MRPS18C: variants seen among roughly 807,000 people sequenced by gnomAD.
The protein encoded by MRPS18C is small ribosomal subunit protein bS18m.
MRPS18C carries 21 observed loss-of-function variants against 21.0 expected under a neutral mutation model. The ratio of observed to expected loss-of-function variants is 1.00; its 90% CI spans 0.71 to 1.44. MRPS18C has a LOEUF of 1.44. Ranked by LOEUF, MRPS18C falls within the 40% of genes most tolerant of loss-of-function variation. The probability of loss-of-function intolerance (pLI) is 0.00; values close to 1 mark genes in which losing one functional copy is unlikely to be tolerated. For synonymous variants in MRPS18C, 65 were observed against 54.3 expected (o/e 1.20, Z -0.87); for missense variants, 152 against 171.5 (o/e 0.89, Z 0.64).
In MRPS18C at chr4:83,461,817, T is replaced by C. The variant is rs1332207161; in HGVS notation, c.*620T>C. 1 of 228,592 alleles carries C rather than the reference T, an allele frequency of 4.4e-6. No homozygotes were observed. Among genetic ancestry groups the C allele is most frequent in the Non-Finnish European group, 8.7e-6 (1 of 115,390 alleles). 14.2% of individuals were successfully genotyped at this position (228,592 alleles called of 1,614,324 possible). On this transcript the variant is annotated 3_prime_UTR_variant, in exon 6 of 6. Transcript: ENST00000295491. ...CTCTAAACTAGGGGAGAGATTACTG[T>C]TTGTGTTGTGTTATAGTTGTGTAAT...
chr4:83,461,011 A>G lies in MRPS18C; in HGVS notation c.331A>G (p.Ile111Val). ...GKKQKEITKAIKRAQIMGFMP... is the reference protein window; with the variant it reads ...GKKQKEITKAVKRAQIMGFMP... Reference sequence around the variant, plus strand: ...GAAACAGAAAGAAATCACAAAAGCAATTAAGAGAGCTCAAATAATGGGTAA... The same window carrying G: ...GAAACAGAAAGAAATCACAAAAGCAGTTAAGAGAGCTCAAATAATGGGTAA... Residue 111 changes from isoleucine to valine, a missense_variant, in exon 5 of 6, where the codon ATT (isoleucine) becomes GTT (valine). This residue lies in a region of MRPS18C where 34 missense variants were observed against 67.1 expected (regional missense o/e 0.51). Coordinates refer to ENST00000295491, the MANE Select transcript of MRPS18C (RefSeq NM_016067.4). 6.2e-7 allele frequency: 1 copy of G among 1,611,990 alleles called. No homozygotes were observed.
chr4:83,456,492 C>CA (rs1320443930), intron 1 of MRPS18C, among the ~76,000 whole-genome samples: 1 of 152,126 alleles, frequency 6.6e-6, no homozygotes, highest in East Asian at 1.9e-4. Flanking sequence ...CTAAGGTCCC[C>CA]AAACAGAACA....
At chr4:83,458,256 T>C in intron 2 of MRPS18C, 90 bp from the exon 3 acceptor site, 2 of 906,770 alleles carry the variant, frequency 2.2e-6, no homozygotes, top group Non-Finnish European at 3.5e-6. Flanking sequence ...GTATAACTAA[T>C]CCTTTGAATG....
intron 2 of MRPS18C, chr4:83,457,719 T>C (rs1721913534): frequency 6.6e-6 from 1 of 152,376 alleles, no homozygotes; most frequent in Admixed American, 6.5e-5. Context: ...AAGTTTTGCA[T>C]ACGATTACAG....
chr4:83,456,833 C>T (rs367986314), intron 1 of MRPS18C, 76 bp from the exon 2 acceptor site: 2 of 1,443,956 alleles, frequency 1.4e-6, no homozygotes, highest in Admixed American at 1.9e-5. Flanking sequence ...TTCATCCTGT[C>T]TCCATAAAAA....
chr4:83,460,910 A>T, intron 4 of MRPS18C, 63 bp from the exon 5 acceptor site: 1 of 1,500,990 alleles, frequency 6.7e-7, no homozygotes, highest in Admixed American at 2.0e-5. Context: ...CATCTCAAAA[A>T]AAAAAATTGC....
chr4:83,460,897 C>T, intron 4 of MRPS18C, 76 bp from the exon 5 acceptor site: 1 of 1,272,028 alleles, frequency 7.9e-7, no homozygotes, highest in South Asian at 1.3e-5. Context: ...CACAGGGAGA[C>T]TCCATCTCAA....
chr4:83,458,152 T>G, intron 2 of MRPS18C, 194 bp from the exon 3 acceptor site: 1 of 476,334 alleles, frequency 2.1e-6, no homozygotes, highest in Non-Finnish European at 3.7e-6. Context: ...CTATGAAGAT[T>G]GTACTTTATT....
At position 83,456,081 on chromosome 4, in the gene MRPS18C, G is replaced by A; in HGVS notation, c.4G>A (p.Ala2Thr). 3.1e-6 allele frequency: 5 copies of A among 1,612,442 alleles called. No individual in the cohort carries two copies. Among genetic ancestry groups the A allele is most frequent in the Non-Finnish European group, 2.5e-6 (3 of 1,180,002 alleles). Residue 2 changes from alanine to threonine, a missense_variant, in exon 1 of 6, where the codon GCC becomes ACC. Physicochemically the swap from Ala to Thr is moderately conservative, Grantham distance 58. Coordinates refer to ENST00000295491, the MANE Select transcript of MRPS18C (RefSeq NM_016067.4). M[A>T]AVVAVCGGLG... ...GAAGTGGAAGAAACGCGGAACCATG[G>A]CCGCTGTGGTTGCTGTTTGCGGTGG...
rs1224870910 is a variant in MRPS18C, at chr4:83,458,342, C to G, written c.151-4C>G. ...ATTATCAGACTTTTCGTTTTTTTCCCTAGCCCATTTCAATGGAAAATCCTT... is the reference window on the plus strand; with the variant it reads ...ATTATCAGACTTTTCGTTTTTTTCCGTAGCCCATTTCAATGGAAAATCCTT... On this transcript the variant is annotated splice_polypyrimidine_tract_variant and splice_region_variant and intron_variant, in intron 2 of 5. Transcript: ENST00000295491. The G allele has an allele frequency of 6.3e-7, 1 of 1,584,998 alleles. No individual in the cohort carries two copies. Among genetic ancestry groups the G allele is most frequent in the South Asian group, 1.1e-5 (1 of 88,760 alleles).
At chr4:83,459,664 T>G in intron 3 of MRPS18C, 76 bp from the exon 4 acceptor site, 1 of 1,311,008 alleles carries the variant, frequency 7.6e-7, no homozygotes. Flanking sequence ...ACCTGAAGGT[T>G]GTTTTTTGAA....
Position 83,458,529 on chromosome 4 carries a change from A to G in MRPS18C, c.234+100A>G, listed in dbSNP as rs1308888732. 4 of 842,780 alleles carry G rather than the reference A, an allele frequency of 4.7e-6. No individual in the cohort carries two copies. In the African/African-American group the frequency reaches 5.3e-5, roughly 11 times the overall value. 52.2% of individuals were successfully genotyped at this position (842,780 alleles called of 1,614,324 possible). On this transcript the variant is annotated intron_variant, in intron 3 of 5. Coordinates refer to ENST00000295491, the MANE Select transcript of MRPS18C (RefSeq NM_016067.4). ...TTTATAGCAGGCTTTTGTAGAGGTA[A>G]CTGTTTTAGCAACTTCATAATTTCA... is the stretch of plus-strand genomic sequence containing the variant.
At chr4:83,459,166 AAAG>A (rs1357944468) in intron 3 of MRPS18C, 14 of 150,784 alleles carry the variant, frequency 9.3e-5, no homozygotes, top group Non-Finnish European at 2.1e-4. Context: ...AAAAAAAAAA[AAAG>A]AATTCCATAT....
At chr4:83,456,739 TGA>T (rs1230504043) in intron 1 of MRPS18C, among the ~76,000 whole-genome samples, 168 bp from the exon 2 acceptor site, 1 of 152,204 alleles carries the variant, frequency 6.6e-6, no homozygotes, top group Non-Finnish European at 1.5e-5. Context: ...ACACCCATGT[TGA>T]GTCTTACTCT....
In MRPS18C at chr4:83,461,793, TCTAAA is replaced by T. The variant is rs1722128759; in HGVS notation, c.*600_*604del. 4.4e-6 allele frequency: 1 copy of T among 228,958 alleles called. No homozygotes were observed. Among genetic ancestry groups the T allele is most frequent in the Non-Finnish European group, 8.7e-6 (1 of 115,596 alleles). 14.2% of individuals were successfully genotyped at this position (228,958 alleles called of 1,614,324 possible). On this transcript the variant is annotated 3_prime_UTR_variant, in exon 6 of 6. Transcript: ENST00000295491. ...ATTTGCTAAATTTCATGCAAAGGAC[TCTAAA>T]CTAGGGGAGAGATTACTGTTTGTGT...
At chr4:83,459,641 A>G (rs1722002079) in intron 3 of MRPS18C, 99 bp from the exon 4 acceptor site, 1 of 1,003,280 alleles carries the variant, frequency 1.0e-6, no homozygotes, top group Non-Finnish European at 1.5e-6. Context: ...GAAATTTAGT[A>G]AAGCTTTATA....
At position 83,461,695 on chromosome 4, in the gene MRPS18C, A is replaced by T; in HGVS notation, c.*498A>T. On this transcript the variant is annotated 3_prime_UTR_variant, in exon 6 of 6. Transcript: ENST00000295491. ...ATGATAGACATACATGTATATATGTATCAGTTCTGAGTTCCACTGGCCTAT... is the reference window on the plus strand; with the variant it reads ...ATGATAGACATACATGTATATATGTTTCAGTTCTGAGTTCCACTGGCCTAT... The T allele has an allele frequency of 4.1e-6, 1 of 245,682 alleles. No individual in the cohort carries two copies. The highest frequency in any genetic ancestry group is 8.0e-6 in the Non-Finnish European group (1 of 124,266). The allele number at this position is 245,682 out of a possible 1,614,324, so 15.2% of individuals were successfully genotyped here. A position where few individuals can be genotyped will look rare whatever the true frequency, so the allele number is the denominator to read the frequency against.
Position 83,461,606 on chromosome 4 carries a change from T to A in MRPS18C, c.*409T>A. On this transcript the variant is annotated 3_prime_UTR_variant, in exon 6 of 6. Coordinates refer to ENST00000295491, the MANE Select transcript of MRPS18C (RefSeq NM_016067.4). ...GAAGGACAAAATATTCCTAGACGAGTCTACCCTCAAACCAGTAGTGTCTTT... is the reference window on the plus strand; with the variant it reads ...GAAGGACAAAATATTCCTAGACGAGACTACCCTCAAACCAGTAGTGTCTTT... 1 of 297,942 alleles carries A rather than the reference T, an allele frequency of 3.4e-6. No homozygotes were observed. The highest frequency in any genetic ancestry group is 6.4e-6 in the Non-Finnish European group (1 of 155,710). The allele number at this position is 297,942 out of a possible 1,614,324, so 18.5% of individuals were successfully genotyped here. A position where few individuals can be genotyped will look rare whatever the true frequency, so the allele number is the denominator to read the frequency against.
At chr4:83,456,245 G>A in intron 1 of MRPS18C, 68 bp downstream of exon 1, 1 of 1,335,504 alleles carries the variant, frequency 7.5e-7, no homozygotes, top group Non-Finnish European at 1.1e-6. Flanking sequence ...AATGGTTAGA[G>A]TCGTCCCTGT....
Sources: gnomAD v4.1 joint callset for allele counts (sites outside exome capture counted in the v4.1 genomes callset) on GRCh38, gnomAD v4.1.1 for gene constraint, gnomAD v4.1.1 regional missense constraint, MANE v1.5 for transcripts, NCBI Gene and HGNC (gene_info 2026-07-23, HGNC 2026-07-21) for gene names.